The following SDK1 variants were observed in gnomAD, a reference collection of about 807,000 sequenced individuals.
SDK1 encodes protein sidekick-1.
Under a neutral mutation model 245.5 loss-of-function variants are expected in SDK1, and 157 were observed. The ratio of observed to expected loss-of-function variants is 0.64; its 90% CI spans 0.56 to 0.73. The LOEUF is 0.73. Among genes scored for constraint, SDK1 ranks in the 30% least tolerant of loss-of-function variants. The probability of loss-of-function intolerance (pLI) is 0.00; values close to 1 mark genes in which losing one functional copy is unlikely to be tolerated. For missense variants in SDK1, 3,583 were observed against 3,002.3 expected (o/e 1.19, Z -4.52); for synonymous variants, 1,647 against 1,278.5 (o/e 1.29, Z -6.15).
At chr7:3,365,900 G>C (rs949413876) in intron 1 of SDK1, among the ~76,000 whole-genome samples, 18 of 152,120 alleles carry the variant, frequency 1.2e-4, no homozygotes, top group Non-Finnish European at 1.5e-4. Flanking sequence ...TTAGCTAGGC[G>C]TGGTGGCGGG....
chr7:4,178,327 C>T (rs1483832519), intron 34 of SDK1, among the ~76,000 whole-genome samples, 158 bp from the exon 35 acceptor site: 1 of 152,080 alleles, frequency 6.6e-6, no homozygotes, highest in East Asian at 1.9e-4. Context: ...GGAGGGTGCC[C>T]CGGTCACAGT....
chr7:3,656,900 A>T (rs796792576), intron 4 of SDK1, among the ~76,000 whole-genome samples: 3 of 152,170 alleles, frequency 2.0e-5, no homozygotes, highest in African/African-American at 7.2e-5. Context: ...GGCGCCGGCC[A>T]CCGCGCCCGG....
intron 35 of SDK1, among the ~76,000 whole-genome samples, chr7:4,191,673 C>G (rs887031865): frequency 1.1e-4 from 17 of 152,250 alleles, no homozygotes; most frequent in African/African-American, 3.9e-4. Flanking sequence ...GGAGGATCAC[C>G]GGCCTGGGCC....
chr7:3,896,595 T>C (rs926442701), intron 5 of SDK1, among the ~76,000 whole-genome samples: 5 of 152,206 alleles, frequency 3.3e-5, no homozygotes, highest in African/African-American at 1.2e-4. Context: ...CTGGCTTCCC[T>C]CAGCCTGGAT....
chr7:4,217,516 CA>C (rs1215733073), intron 38 of SDK1, among the ~76,000 whole-genome samples: 1 of 137,324 alleles, frequency 7.3e-6, no homozygotes, highest in East Asian at 2.3e-4. Flanking sequence ...AGCACCACAC[CA>C]CCCGGAGCAC....
At chr7:3,497,815 C>T (rs150772091) in intron 1 of SDK1, among the ~76,000 whole-genome samples, 1 of 152,320 alleles carries the variant, frequency 6.6e-6, no homozygotes, top group Non-Finnish European at 1.5e-5. Context: ...ATTTGACAGA[C>T]AAACACTGTC....
intron 6 of SDK1, among the ~76,000 whole-genome samples, chr7:3,951,490 G>C (rs532490164): frequency 6.6e-6 from 1 of 152,272 alleles, no homozygotes; most frequent in African/African-American, 2.4e-5. Context: ...TAGCACTTAT[G>C]GTCCATTGCT....
At chr7:3,984,639 G>A (rs1038822093) in intron 13 of SDK1, among the ~76,000 whole-genome samples, 1 of 152,100 alleles carries the variant, frequency 6.6e-6, no homozygotes, top group African/African-American at 2.4e-5. Context: ...TGAGCTGGCT[G>A]TACAACCCTC....
At chr7:3,805,252 C>A (rs963973926) in intron 4 of SDK1, among the ~76,000 whole-genome samples, 1 of 152,058 alleles carries the variant, frequency 6.6e-6, no homozygotes, top group South Asian at 2.1e-4. Context: ...TTATTTATTA[C>A]TTCAGTGAGT....
At chr7:3,918,452 A>G (rs996481025) in intron 5 of SDK1, among the ~76,000 whole-genome samples, 1 of 152,176 alleles carries the variant, frequency 6.6e-6, no homozygotes, top group Non-Finnish European at 1.5e-5. Context: ...CACACGCCTT[A>G]TGAGAATCTA....
At position 3,591,924 on chromosome 7, in the gene SDK1, A is replaced by G. The variant is rs187883183; in HGVS notation, c.299-27156A>G. On this transcript the variant is annotated intron_variant, in intron 1 of 44. Transcript: ENST00000404826. ...CTGAAGTTTGAGAGGACTGGGGTCA[A>G]TAAATTTCCACAAAAGGTGACTTCT... Among the ~76,000 whole-genome samples the G allele has an allele frequency of 1.2e-3, 183 of 152,372 alleles. 1 individual carries two copies. Among genetic ancestry groups the G allele is most frequent in the Middle Eastern group, 3.4e-3 (1 of 294 alleles).
intron 14 of SDK1, among the ~76,000 whole-genome samples, chr7:4,002,407 G>A (rs933612427): frequency 3.3e-5 from 5 of 152,174 alleles, no homozygotes; most frequent in African/African-American, 7.2e-5. Flanking sequence ...TTAATATAGA[G>A]GAGGAAATGT....
chr7:3,517,881 T>C (rs1782803021), intron 1 of SDK1, among the ~76,000 whole-genome samples: 1 of 152,186 alleles, frequency 6.6e-6, no homozygotes, highest in Non-Finnish European at 1.5e-5. Context: ...TCCTTTTTAT[T>C]ATGGTATCTT....
At chr7:3,703,122 C>T (rs554955508) in intron 4 of SDK1, among the ~76,000 whole-genome samples, 2 of 151,274 alleles carry the variant, frequency 1.3e-5, no homozygotes, top group East Asian at 3.9e-4. Context: ...GAACGTTTGT[C>T]CCAGAGAAAT....
intron 5 of SDK1, among the ~76,000 whole-genome samples, chr7:3,825,929 C>A (rs747837214): frequency 6.6e-6 from 1 of 152,180 alleles, no homozygotes; most frequent in Admixed American, 6.5e-5. Context: ...TGGGGCCTAG[C>A]CCCACATCAC....
intron 4 of SDK1, among the ~76,000 whole-genome samples, chr7:3,799,559 G>T (rs113050681): frequency 2.6e-5 from 4 of 151,888 alleles, no homozygotes; most frequent in African/African-American, 7.2e-5. Context: ...CAAAAAATTA[G>T]CCAGGCGTGG....
At chr7:3,442,959 C>CT (rs1274817678) in intron 1 of SDK1, among the ~76,000 whole-genome samples, 2 of 152,182 alleles carry the variant, frequency 1.3e-5, no homozygotes, top group East Asian at 3.9e-4. Context: ...AAGAAGCCTG[C>CT]TCTATAAAGG....
rs559263831 is a variant in SDK1 at position 4,180,955 on chromosome 7, T to G, written c.5098+2369T>G. The stretch of plus-strand genomic sequence containing the variant: ...ACATCCAGGCCATATAAGTCTGTCA[T>G]CGTGGTAAGATGCGTATAACATGGA... On this transcript the variant is annotated intron_variant, in intron 35 of 44. Transcript: ENST00000404826. Among the ~76,000 whole-genome samples, 14 of 152,230 alleles carry G rather than the reference T, an allele frequency of 9.2e-5. No homozygotes were observed. In the South Asian group the frequency reaches 2.7e-3, roughly 29 times the overall value.
intron 1 of SDK1, among the ~76,000 whole-genome samples, chr7:3,453,091 C>T (rs1253441862): frequency 6.6e-6 from 1 of 152,132 alleles, no homozygotes; most frequent in African/African-American, 2.4e-5. Flanking sequence ...ACCATTGGTA[C>T]CCATCCTGCC....
Sources: allele counts gnomAD v4.1 joint callset (sites outside exome capture counted in the v4.1 genomes callset), GRCh38; gene constraint gnomAD v4.1.1; transcripts MANE v1.5; gene names NCBI Gene and HGNC (gene_info 2026-07-23, HGNC 2026-07-21).